RGSL1: variants seen among roughly 807,000 people sequenced by gnomAD.
The protein encoded by RGSL1 is regulator of G protein signaling protein-like.
A neutral mutation model predicts 124.7 loss-of-function variants in RGSL1; 97 were observed. The ratio of observed to expected loss-of-function variants is 0.78; its 90% CI spans 0.66 to 0.92. The LOEUF (loss-of-function observed/expected upper bound fraction) is 0.92, where lower values mean the gene tolerates loss of function less well. Ranked by LOEUF, RGSL1 falls within the 40% of genes least tolerant of loss-of-function variation. RGSL1 has a pLI of 0.00. For synonymous variants in RGSL1, 424 were observed against 438.1 expected (o/e 0.97, Z 0.40); for missense variants, 1,233 against 1,288.4 (o/e 0.96, Z 0.66).
chr1:182,493,189 A>G, intron 9 of RGSL1, 60 bp downstream of exon 9: 1 of 1,151,150 alleles, frequency 8.7e-7, no homozygotes, highest in South Asian at 1.3e-5. Context: ...CTAAGAGAAA[A>G]TCTGTAATCT....
chr1:182,498,165 ACT>A (rs1219760190), intron 9 of RGSL1, among the ~76,000 whole-genome samples: 2 of 151,180 alleles, frequency 1.3e-5, no homozygotes, highest in Non-Finnish European at 1.5e-5. Flanking sequence ...ATTTATATGA[ACT>A]CTTTTTTTTA....
At position 182,467,698 on chromosome 1, in the gene RGSL1, T is replaced by C. The variant is rs1417661083; in HGVS notation, c.302-4698T>C. 2.6e-5 allele frequency among the ~76,000 whole-genome samples: 4 copies of C among 152,156 alleles called. No homozygotes were observed. The East Asian group carries it at 5.8e-4, about 22-fold the overall frequency. The stretch of plus-strand genomic sequence containing the variant: ...AACCTAGGCAATACCATTCAGAACA[T>C]AGGCATGGGCAAGGACTTCATGTCT... On this transcript the variant is annotated intron_variant, in intron 4 of 21. Coordinates refer to ENST00000294854, the MANE Select transcript of RGSL1 (RefSeq NM_001137669.2).
intron 4 of RGSL1, among the ~76,000 whole-genome samples, chr1:182,460,426 C>A (rs1365902640): frequency 6.6e-6 from 1 of 152,162 alleles, no homozygotes; most frequent in Non-Finnish European, 1.5e-5. Flanking sequence ...ATGGACTGGG[C>A]TGTTTATCTC....
chr1:182,548,163 C>G (rs1262879753), intron 15 of RGSL1, among the ~76,000 whole-genome samples, 154 bp from the exon 16 acceptor site: 1 of 152,176 alleles, frequency 6.6e-6, no homozygotes, highest in Non-Finnish European at 1.5e-5. Context: ...CAGTATTTGC[C>G]AATGGATGAA....
chr1:182,450,132 T>C, upstream of RGSL1: 1 of 1,551,984 alleles, frequency 6.4e-7, no homozygotes, highest in Non-Finnish European at 8.7e-7. Context: ...ATTCTGCCCC[T>C]AACAAATTAC....
At chr1:182,548,639 G>A in intron 16 of RGSL1, 61 bp from the exon 17 acceptor site, 2 of 1,543,130 alleles carry the variant, frequency 1.3e-6, no homozygotes, top group South Asian at 1.2e-5. Flanking sequence ...TGGGGGCCAG[G>A]AGAGGTTTTC....
rs999457051 is a variant in RGSL1, at chr1:182,527,759, C to G, written c.2112C>G (p.Gly704=). 6.5e-7 allele frequency: 1 copy of G among 1,549,636 alleles called. No homozygotes were observed. Among genetic ancestry groups the G allele is most frequent in the Non-Finnish European group, 8.7e-7 (1 of 1,145,818 alleles). Residue 704 remains glycine, a synonymous_variant, in exon 11 of 22, where the codon GGC becomes GGG. Coordinates refer to ENST00000294854, the MANE Select transcript of RGSL1 (RefSeq NM_001137669.2). ...IENVIKTFFQ[G]QLSPEEMLQC... ...ATGTAATCAAGACTTTCTTCCAAGG[C>G]CAACTCTCTCCTGGTATGCATCCTC...
upstream of RGSL1, among the ~76,000 whole-genome samples, chr1:182,448,877 C>T (rs778667807): frequency 7.9e-5 from 12 of 152,074 alleles, no homozygotes; most frequent in South Asian, 4.1e-4. Flanking sequence ...GTGGGAAAGA[C>T]GGTGGGGCAG....
intron 3 of RGSL1, 87 bp from the exon 4 acceptor site, chr1:182,459,917 G>C: frequency 6.8e-7 from 1 of 1,464,292 alleles, no homozygotes; most frequent in Non-Finnish European, 9.2e-7. Flanking sequence ...GCAAGTGTGA[G>C]GTGATTAGTT....
In RGSL1 at chr1:182,473,879, G is replaced by C. The variant is rs647224; in HGVS notation, c.768G>C (p.Trp256Cys). Reference protein sequence around the residue: ...YSSRKAKRKMWQLVDPDSWSL... With the variant: ...YSSRKAKRKMCQLVDPDSWSL... Reference sequence around the variant, plus strand: ...GCAGGAAAGCCAAGAGGAAGATGTGGCAATTGGTAGATCCTGACTCTTGGT... The same window carrying C: ...GCAGGAAAGCCAAGAGGAAGATGTGCCAATTGGTAGATCCTGACTCTTGGT... Residue 256 changes from tryptophan (W) to cysteine (C), a missense_variant, in exon 6 of 22, where the codon TGG becomes TGC. Transcript: ENST00000294854. 0.069 allele frequency: 107,408 copies of C among 1,551,704 alleles called. 5,269 individuals are homozygous for C. The highest frequency in any genetic ancestry group is 0.25 in the East Asian group (10,111 of 40,880).
chr1:182,498,804 T>TC (rs1469506361), intron 9 of RGSL1, among the ~76,000 whole-genome samples: 1 of 151,576 alleles, frequency 6.6e-6, no homozygotes, highest in Non-Finnish European at 1.5e-5. Context: ...TTGTTTGTTT[T>TC]TTTTTGAGAC....
chr1:182,497,205 G>C (rs1655981834), intron 9 of RGSL1, among the ~76,000 whole-genome samples: 1 of 150,796 alleles, frequency 6.6e-6, no homozygotes, highest in African/African-American at 2.4e-5. Flanking sequence ...CCTTCTTTAT[G>C]ATAGGAATGA....
chr1:182,475,081 G>A (rs967990933), intron 6 of RGSL1, among the ~76,000 whole-genome samples: 4 of 152,146 alleles, frequency 2.6e-5, no homozygotes, highest in African/African-American at 9.7e-5. Context: ...GTACAATGGA[G>A]GTGGGGAGTG....
At chr1:182,549,043 A>G (rs1406515579) in intron 17 of RGSL1, 1 of 479,604 alleles carries the variant, frequency 2.1e-6, no homozygotes. Context: ...TGAGAGCCAA[A>G]CGCCTGGTTT....
At chr1:182,449,960 T>C (rs150083780), upstream of RGSL1, among the ~76,000 whole-genome samples, 80 of 152,268 alleles carry the variant, frequency 5.3e-4, no homozygotes, top group African/African-American at 1.8e-3. Context: ...AGGAGTCTTG[T>C]ATGTCCAAGG....
intron 4 of RGSL1, among the ~76,000 whole-genome samples, chr1:182,467,156 A>G (rs1653406338): frequency 6.6e-6 from 1 of 152,222 alleles, no homozygotes; most frequent in Non-Finnish European, 1.5e-5. Context: ...GCTCATGGGT[A>G]GGAAGAATCA....
chr1:182,548,358 A>C lies in RGSL1; in HGVS notation c.2711A>C (p.Asn904Thr). ...LVSSAHMLQV[N>T]RAYNENDVIL... Reference sequence around the variant, plus strand: ...AGTTCAGCCCACATGCTGCAGGTCAACCGGGCATATAATGAGAATGATGTG... The same window carrying C: ...AGTTCAGCCCACATGCTGCAGGTCACCCGGGCATATAATGAGAATGATGTG... Residue 904 changes from asparagine (N) to threonine (T), a missense_variant, in exon 16 of 22, where the codon AAC becomes ACC. Coordinates refer to ENST00000294854, the MANE Select transcript of RGSL1 (RefSeq NM_001137669.2). The C allele has an allele frequency of 1.3e-6, 2 of 1,552,076 alleles. No homozygotes were observed. Among genetic ancestry groups the C allele is most frequent in the Non-Finnish European group, 1.7e-6 (2 of 1,147,050 alleles).
chr1:182,471,480 T>A (rs1439074573), intron 4 of RGSL1: 2 of 406,260 alleles, frequency 4.9e-6, no homozygotes, highest in Non-Finnish European at 9.9e-6. Context: ...GTGTCTGTGT[T>A]GAATATAAAC....
chr1:182,473,189 T>C (rs938513634), intron 5 of RGSL1, among the ~76,000 whole-genome samples: 2 of 152,232 alleles, frequency 1.3e-5, no homozygotes, highest in East Asian at 3.8e-4. Flanking sequence ...ATTGATGACA[T>C]TAAAATCAGG....
Sources: gnomAD v4.1 joint callset for allele counts (sites outside exome capture counted in the v4.1 genomes callset) on GRCh38, gnomAD v4.1.1 for gene constraint, MANE v1.5 for transcripts, NCBI Gene and HGNC (gene_info 2026-07-23, HGNC 2026-07-21) for gene names.